CNTNAP2: variants seen among roughly 807,000 people sequenced by gnomAD.
CNTNAP2 encodes the protein contactin associated protein 2, also known as contactin-associated protein-like 2.
CNTNAP2 carries 98 observed loss-of-function variants against 155.2 expected under a neutral mutation model. The observed-to-expected ratio is 0.63, with a 90% CI of 0.54 to 0.75. CNTNAP2 has a LOEUF of 0.75. Ranked by LOEUF, CNTNAP2 falls within the 30% of genes least tolerant of loss-of-function variation. The pLI, the probability that CNTNAP2 is intolerant of heterozygous loss-of-function variation, is 0.00. For synonymous variants in CNTNAP2, 651 were observed against 631.2 expected (o/e 1.03, Z -0.47); for missense variants, 1,727 against 1,688.1 (o/e 1.02, Z -0.40).
chr7:146,666,775 G>A (rs12155258), intron 1 of CNTNAP2, among the ~76,000 whole-genome samples: 193 of 152,030 alleles, frequency 1.3e-3, no homozygotes, highest in Middle Eastern at 3.4e-3. Context: ...TTCATTTGTT[G>A]CATATACATG....
At chr7:146,357,075 A>T (rs1795009001) in intron 1 of CNTNAP2, among the ~76,000 whole-genome samples, 1 of 152,162 alleles carries the variant, frequency 6.6e-6, no homozygotes, top group South Asian at 2.1e-4. Flanking sequence ...AGTTCCTTAG[A>T]ACATGGTTTG....
intron 21 of CNTNAP2, among the ~76,000 whole-genome samples, chr7:148,369,441 C>T (rs1042536282): frequency 9.9e-5 from 15 of 151,546 alleles, no homozygotes; most frequent in Middle Eastern, 3.4e-3. Flanking sequence ...GACAGGGTTT[C>T]GCCATGTTGG....
At chr7:146,336,436 A>T (rs1179377829) in intron 1 of CNTNAP2, among the ~76,000 whole-genome samples, 1 of 152,150 alleles carries the variant, frequency 6.6e-6, no homozygotes, top group Non-Finnish European at 1.5e-5. Context: ...AATGGAAAAC[A>T]TAAAACTACA....
At chr7:146,658,263 G>C (rs187729777) in intron 1 of CNTNAP2, among the ~76,000 whole-genome samples, 1 of 151,900 alleles carries the variant, frequency 6.6e-6, no homozygotes, top group Non-Finnish European at 1.5e-5. Context: ...ATTTACAAAC[G>C]GTAAAGATCA....
intron 9 of CNTNAP2, among the ~76,000 whole-genome samples, chr7:147,381,056 C>T (rs1294335437): frequency 6.6e-6 from 1 of 151,984 alleles, no homozygotes; most frequent in African/African-American, 2.4e-5. Context: ...GAAACTTGCA[C>T]GCTACTCCCT....
At chr7:147,568,493 C>G (rs1274961975) in intron 12 of CNTNAP2, among the ~76,000 whole-genome samples, 2 of 152,132 alleles carry the variant, frequency 1.3e-5, no homozygotes, top group Non-Finnish European at 2.9e-5. Context: ...AGATTTTTCA[C>G]AGAATCCTTT....
chr7:147,926,772 G>GA (rs750333907), intron 14 of CNTNAP2, among the ~76,000 whole-genome samples: 4 of 151,956 alleles, frequency 2.6e-5, no homozygotes, highest in Non-Finnish European at 5.9e-5. Flanking sequence ...AAATCTACAT[G>GA]AAAAAAACAA....
intron 9 of CNTNAP2, among the ~76,000 whole-genome samples, chr7:147,383,538 C>T (rs903402438): frequency 6.6e-6 from 1 of 152,100 alleles, no homozygotes; most frequent in African/African-American, 2.4e-5. Flanking sequence ...CCAAACACCA[C>T]ACGTTCTCAC....
chr7:146,197,591 TACA>T (rs976832191), intron 1 of CNTNAP2, among the ~76,000 whole-genome samples: 1 of 152,194 alleles, frequency 6.6e-6, no homozygotes, highest in Non-Finnish European at 1.5e-5. Flanking sequence ...TGTTTCCAGA[TACA>T]AGAGACTTAA....
At chr7:147,957,674 A>G (rs921046941) in intron 14 of CNTNAP2, among the ~76,000 whole-genome samples, 1 of 152,188 alleles carries the variant, frequency 6.6e-6, no homozygotes, top group Non-Finnish European at 1.5e-5. Context: ...CAATTCTAAA[A>G]TCATCAGTTG....
At chr7:147,218,078 A>G (rs1215242474) in intron 8 of CNTNAP2, among the ~76,000 whole-genome samples, 3 of 151,878 alleles carry the variant, frequency 2.0e-5, no homozygotes, top group Non-Finnish European at 4.4e-5. Flanking sequence ...TTATCTTTTC[A>G]AAGAAACAGC....
chr7:147,254,247 C>T (rs547909716), intron 8 of CNTNAP2, among the ~76,000 whole-genome samples: 61 of 152,238 alleles, frequency 4.0e-4, no homozygotes, highest in African/African-American at 1.3e-3. Flanking sequence ...CATTCTTGCT[C>T]GCCTTTTCCT....
intron 1 of CNTNAP2, among the ~76,000 whole-genome samples, chr7:146,379,666 G>T (rs537889944): frequency 2.6e-4 from 40 of 152,180 alleles, no homozygotes; most frequent in Non-Finnish European, 4.9e-4. Flanking sequence ...TCATCTTGTG[G>T]ACATTACATT....
chr7:146,406,882 T>C (rs1487931670), intron 1 of CNTNAP2, among the ~76,000 whole-genome samples: 1 of 152,330 alleles, frequency 6.6e-6, no homozygotes, highest in South Asian at 2.1e-4. Context: ...TTCCACAGGC[T>C]CTCATCATTC....
intron 13 of CNTNAP2, among the ~76,000 whole-genome samples, chr7:147,848,205 G>T (rs1394670387): frequency 7.0e-6 from 1 of 143,752 alleles, no homozygotes; most frequent in Admixed American, 7.4e-5. Flanking sequence ...CCTCGTTGCC[G>T]CCTTGCAGTT....
At chr7:146,954,478 G>C (rs1568783) in intron 3 of CNTNAP2, among the ~76,000 whole-genome samples, 1 of 151,956 alleles carries the variant, frequency 6.6e-6, no homozygotes, top group East Asian at 1.9e-4. Flanking sequence ...ACTTCTTTAC[G>C]TAAATATTCT....
chr7:148,180,714 G>A (rs1308277010), intron 18 of CNTNAP2, among the ~76,000 whole-genome samples: 1 of 152,200 alleles, frequency 6.6e-6, no homozygotes, highest in Non-Finnish European at 1.5e-5. Flanking sequence ...AGAATTTGCA[G>A]TAAACAGTAG....
At chr7:148,389,278 G>T (rs1444595355) in intron 22 of CNTNAP2, among the ~76,000 whole-genome samples, 1 of 152,124 alleles carries the variant, frequency 6.6e-6, no homozygotes, top group Non-Finnish European at 1.5e-5. Context: ...TGAATCATGG[G>T]GGCAGGTCTT....
chr7:146,968,038 A>G, intron 3 of CNTNAP2, among the ~76,000 whole-genome samples: 2 of 145,766 alleles, frequency 1.4e-5, no homozygotes, highest in Non-Finnish European at 3.1e-5. Context: ...GAATTTTGTC[A>G]AAGGCCTTTT....
Sources: allele counts gnomAD v4.1 joint callset (sites outside exome capture counted in the v4.1 genomes callset), GRCh38; gene constraint gnomAD v4.1.1; transcripts MANE v1.5; gene names NCBI Gene and HGNC (gene_info 2026-07-23, HGNC 2026-07-21).